FHOD3: variants seen among roughly 807,000 people sequenced by gnomAD.
The protein encoded by FHOD3 is FH1/FH2 domain-containing protein 3.
In FHOD3, 90 loss-of-function variants were observed where a neutral mutation model predicts 173.0. The observed-to-expected ratio is 0.52, with a 90% CI of 0.44 to 0.62. The LOEUF (loss-of-function observed/expected upper bound fraction) is 0.62, where lower values mean the gene tolerates loss of function less well. Ranked by LOEUF, FHOD3 falls within the 20% of genes least tolerant of loss-of-function variation. The pLI, the probability that FHOD3 is intolerant of heterozygous loss-of-function variation, is 0.00. For synonymous variants in FHOD3, 828 were observed against 823.0 expected (o/e 1.01, Z -0.10); for missense variants, 1,945 against 2,034.7 (o/e 0.96, Z 0.85).
chr18:36,422,102 CCT>C (rs1192448154), intron 3 of FHOD3, among the ~76,000 whole-genome samples: 1 of 151,920 alleles, frequency 6.6e-6, no homozygotes, highest in African/African-American at 2.4e-5. Context: ...GTTGTTATTC[CCT>C]CTCACCTTCG....
At chr18:36,361,930 G>T (rs16960066) in intron 2 of FHOD3, among the ~76,000 whole-genome samples, 4 of 152,070 alleles carry the variant, frequency 2.6e-5, no homozygotes, top group Admixed American at 2.6e-4. Context: ...GAACCACTGC[G>T]TGAGAAAGAC....
In FHOD3 at chr18:36,718,620, G is replaced by C; in HGVS notation, c.3322G>C (p.Glu1108Gln). The C allele has an allele frequency of 6.2e-7, 1 of 1,614,152 alleles. No individual in the cohort carries two copies. The highest frequency in any genetic ancestry group is 8.5e-7 in the Non-Finnish European group (1 of 1,180,040). ...WPCKNNRRCR[E>Q]FLWSKLEPIK... ...ATGTAAAAACAACCGACGCTGCAGA[G>C]AATTCCTGTGGTCAAAACTGGAACC... The change falls in exon 19 of 29, where the codon GAA becomes CAA. Residue 1108 changes from glutamate (E) to glutamine (Q), a missense_variant. Coordinates refer to ENST00000590592, the MANE Select transcript of FHOD3 (RefSeq NM_001281740.3).
chr18:36,659,460 G>A (rs2036634002), intron 14 of FHOD3, among the ~76,000 whole-genome samples: 1 of 152,198 alleles, frequency 6.6e-6, no homozygotes, highest in Non-Finnish European at 1.5e-5. Context: ...TCCTGAAAAG[G>A]TCACCATACA....
At chr18:36,713,406 G>A (rs1056707234) in intron 18 of FHOD3, among the ~76,000 whole-genome samples, 1 of 152,212 alleles carries the variant, frequency 6.6e-6, no homozygotes, top group African/African-American at 2.4e-5. Flanking sequence ...CTAGTTTACT[G>A]TGGTTAGTGT....
chr18:36,522,621 G>A (rs1274244175), intron 5 of FHOD3, among the ~76,000 whole-genome samples: 1 of 152,152 alleles, frequency 6.6e-6, no homozygotes, highest in Non-Finnish European at 1.5e-5. Flanking sequence ...TTGGAGATGG[G>A]AGTAGTATCA....
At chr18:36,733,594 A>G (rs2041480638) in intron 20 of FHOD3, among the ~76,000 whole-genome samples, 2 of 152,222 alleles carry the variant, frequency 1.3e-5, no homozygotes, top group South Asian at 4.1e-4. Context: ...AAAGTTTCAG[A>G]TACAATAAGT....
At chr18:36,493,233 C>A (rs75559469) in intron 3 of FHOD3, among the ~76,000 whole-genome samples, 13 of 105,248 alleles carry the variant, frequency 1.2e-4, no homozygotes, top group African/African-American at 4.1e-4. Flanking sequence ...TTTTTTTTTA[C>A]AACTTGTATA....
At position 36,612,031 on chromosome 18, in the gene FHOD3, C is replaced by A. The variant is rs2032732986; in HGVS notation, c.893C>A (p.Ser298Tyr). 3.7e-6 allele frequency: 6 copies of A among 1,614,114 alleles called. No homozygotes were observed. Among genetic ancestry groups the A allele is most frequent in the Non-Finnish European group, 5.1e-6 (6 of 1,180,016 alleles). The change falls in exon 9 of 29, where the codon TCC (serine) becomes TAC (tyrosine). Residue 298 changes from serine to tyrosine, a missense_variant. By Grantham distance (144) the Ser-to-Tyr change is moderately radical. This residue lies in a region of FHOD3 where 1,099 missense variants were observed against 1,051.2 expected (regional missense o/e 1.05). Coordinates refer to ENST00000590592, the MANE Select transcript of FHOD3 (RefSeq NM_001281740.3). ...GAGGAGCTGGGCATTGCTGCTGTGT[C>A]CCAGAGGCACTTGAACAAGAAAGGG... ...CLEELGIAAV[S>Y]QRHLNKKGTD...
At chr18:36,744,395 G>A (rs1480334063) in intron 23 of FHOD3, among the ~76,000 whole-genome samples, 1 of 152,240 alleles carries the variant, frequency 6.6e-6, no homozygotes, top group East Asian at 1.9e-4. Flanking sequence ...CTGGTTCTCA[G>A]TCAGATTCTT....
intron 1 of FHOD3, among the ~76,000 whole-genome samples, chr18:36,324,043 A>G (rs1258404923): frequency 1.3e-5 from 2 of 152,262 alleles, no homozygotes; most frequent in Non-Finnish European, 2.9e-5. Context: ...AGGCTGCTTT[A>G]AAGTTACAGT....
intron 5 of FHOD3, among the ~76,000 whole-genome samples, chr18:36,534,318 G>A (rs1018844745): frequency 1.3e-5 from 2 of 152,164 alleles, no homozygotes; most frequent in Admixed American, 1.3e-4. Flanking sequence ...AGTGAGAAAA[G>A]AAGACAGTGT....
chr18:36,649,179 GT>G (rs34031986), intron 10 of FHOD3, 136 bp from the exon 11 acceptor site: 24,406 of 480,414 alleles, frequency 0.051, 151 homozygotes, highest in South Asian at 0.062. Context: ...CAGCTGGGTG[GT>G]TTTTTTTTTT....
In FHOD3 at chr18:36,644,922, T is replaced by A. The variant is rs539675730; in HGVS notation, c.1197-4394T>A. Among the ~76,000 whole-genome samples the A allele has an allele frequency of 2.6e-5, 4 of 152,102 alleles. No homozygotes were observed. In the South Asian group the frequency reaches 8.3e-4, roughly 32 times the overall value. On this transcript the variant is annotated intron_variant, in intron 10 of 28. Transcript: ENST00000590592. Reference sequence around the variant, plus strand: ...ATCAAGGAATTTTGGAGGGAGGGGCTCAGTGTTTTGTTTTAAAGAGGAGAG... The same window carrying A: ...ATCAAGGAATTTTGGAGGGAGGGGCACAGTGTTTTGTTTTAAAGAGGAGAG...
At position 36,324,931 on chromosome 18, in the gene FHOD3, T is replaced by A. The variant is rs577222997; in HGVS notation, c.165+26931T>A. On this transcript the variant is annotated intron_variant, in intron 1 of 28. Transcript: ENST00000590592. The stretch of plus-strand genomic sequence containing the variant: ...CAAAAAAATGGAAACAATGCAATGT[T>A]CATCAATAGTGGAATTGATACTTAT... Among the ~76,000 whole-genome samples the A allele has an allele frequency of 5.3e-5, 8 of 152,348 alleles. No individual in the cohort carries two copies. The East Asian group carries it at 1.5e-3, about 29-fold the overall frequency.
At chr18:36,657,141 G>C (rs536700799) in intron 13 of FHOD3, among the ~76,000 whole-genome samples, 2 of 152,312 alleles carry the variant, frequency 1.3e-5, no homozygotes, top group South Asian at 4.1e-4. Flanking sequence ...GAAGCTCTTT[G>C]TGTCCTTATA....
chr18:36,404,912 A>G (rs2048988119), intron 3 of FHOD3, among the ~76,000 whole-genome samples: 1 of 152,202 alleles, frequency 6.6e-6, no homozygotes, highest in African/African-American at 2.4e-5. Context: ...ATACTCTGAT[A>G]TGAAACCAAT....
At position 36,328,348 on chromosome 18, in the gene FHOD3, G is replaced by A. The variant is rs553600791; in HGVS notation, c.166-27191G>A. On this transcript the variant is annotated intron_variant, in intron 1 of 28. Transcript: ENST00000590592. ...GAGAGGAGAACACATGGCTCTGGGT[G>A]AGGAGCTTTCTGGGTGGGGGGAACA... 1.1e-4 allele frequency among the ~76,000 whole-genome samples: 16 copies of A among 152,290 alleles called. No homozygotes were observed. The South Asian group carries it at 3.3e-3, about 32-fold the overall frequency.
chr18:36,604,152 A>T (rs982887322), intron 8 of FHOD3, among the ~76,000 whole-genome samples: 1 of 152,060 alleles, frequency 6.6e-6, no homozygotes, highest in African/African-American at 2.4e-5. Flanking sequence ...CTCCATTTGG[A>T]TCGACATGCC....
At chr18:36,340,671 C>T (rs773872487) in intron 1 of FHOD3, among the ~76,000 whole-genome samples, 4 of 148,002 alleles carry the variant, frequency 2.7e-5, no homozygotes, top group Non-Finnish European at 5.9e-5. Flanking sequence ...GAATCTTGCT[C>T]TGTCACCCAG....
Sources: gnomAD v4.1 joint callset for allele counts (sites outside exome capture counted in the v4.1 genomes callset) on GRCh38, gnomAD v4.1.1 for gene constraint, gnomAD v4.1.1 regional missense constraint, MANE v1.5 for transcripts, NCBI Gene and HGNC (gene_info 2026-07-23, HGNC 2026-07-21) for gene names.